The following MACROD2 variants were observed in gnomAD, a reference collection of about 807,000 sequenced individuals.
MACROD2 encodes the protein ADP-ribose glycohydrolase MACROD2.
In MACROD2, 36 loss-of-function variants were observed where a neutral mutation model predicts 70.4. The observed-to-expected ratio is 0.51, with a 90% CI of 0.39 to 0.68. MACROD2 has a LOEUF of 0.68. Among genes scored for constraint, MACROD2 ranks in the 30% least tolerant of loss-of-function variants. MACROD2 has a pLI of 0.00. For synonymous variants in MACROD2, 172 were observed against 178.8 expected, an observed-to-expected ratio of 0.96 and a Z score of 0.30; for missense variants, 496 against 538.4, an observed-to-expected ratio of 0.92 and a Z score of 0.78.
intron 15 of MACROD2, among the ~76,000 whole-genome samples, chr20:15,996,586 A>T (rs1390704155): frequency 1.3e-5 from 2 of 152,048 alleles, no homozygotes; most frequent in Non-Finnish European, 2.9e-5. Context: ...TATAATTCTT[A>T]TATGTTTAGG....
At chr20:14,059,840 TGAG>T (rs776852742) in intron 2 of MACROD2, among the ~76,000 whole-genome samples, 1 of 152,142 alleles carries the variant, frequency 6.6e-6, no homozygotes, top group Non-Finnish European at 1.5e-5. Flanking sequence ...AATGCTAGAA[TGAG>T]GAGAAGGGAC....
chr20:15,925,995 C>T (rs192399829), intron 10 of MACROD2, among the ~76,000 whole-genome samples: 1 of 152,176 alleles, frequency 6.6e-6, no homozygotes, highest in Non-Finnish European at 1.5e-5. Flanking sequence ...CACTGCCCAG[C>T]ATTTCCCCAA....
intron 10 of MACROD2, among the ~76,000 whole-genome samples, chr20:15,891,645 C>T (rs770850575): frequency 2.0e-5 from 3 of 152,092 alleles, no homozygotes; most frequent in Admixed American, 6.5e-5. Flanking sequence ...ATAGAACTTA[C>T]GATTGCTTCA....
intron 4 of MACROD2, among the ~76,000 whole-genome samples, chr20:14,536,304 T>G (rs2123220263): frequency 6.6e-6 from 1 of 152,260 alleles, no homozygotes; most frequent in Non-Finnish European, 1.5e-5. Context: ...ACTTTGAACT[T>G]TTATGTCTCA....
At chr20:15,440,085 A>G (rs911296775) in intron 7 of MACROD2, among the ~76,000 whole-genome samples, 2 of 152,186 alleles carry the variant, frequency 1.3e-5, no homozygotes, top group African/African-American at 4.8e-5. Flanking sequence ...TTTTACTGAG[A>G]AGTGAATGGC....
intron 5 of MACROD2, among the ~76,000 whole-genome samples, chr20:14,789,594 G>A (rs2072424389): frequency 6.8e-6 from 1 of 147,824 alleles, no homozygotes; most frequent in Non-Finnish European, 1.5e-5. Context: ...TCCTGCCTCA[G>A]CTTCCTGAGT....
chr20:14,553,278 A>G (rs191483920), intron 4 of MACROD2, among the ~76,000 whole-genome samples: 1 of 151,748 alleles, frequency 6.6e-6, no homozygotes, highest in East Asian at 1.9e-4. Context: ...ACTGTCTTCC[A>G]CCTCCACATC....
At chr20:15,249,907 G>T (rs999939976) in intron 6 of MACROD2, among the ~76,000 whole-genome samples, 10 of 152,296 alleles carry the variant, frequency 6.6e-5, no homozygotes, top group African/African-American at 2.4e-4. Context: ...TGAAATGTAG[G>T]TATTATTTTT....
chr20:14,545,592 T>C (rs1213318670), intron 4 of MACROD2, among the ~76,000 whole-genome samples: 5 of 152,232 alleles, frequency 3.3e-5, no homozygotes, highest in Non-Finnish European at 5.9e-5. Context: ...TGAATCATAG[T>C]AATTAAGTAA....
At chr20:15,300,219 A>T (rs1037742801) in intron 6 of MACROD2, among the ~76,000 whole-genome samples, 2 of 152,166 alleles carry the variant, frequency 1.3e-5, no homozygotes, top group African/African-American at 4.8e-5. Context: ...AGTTTTAGTT[A>T]CCTAAAGCCT....
chr20:15,714,966 T>C (rs1397287285), intron 8 of MACROD2, among the ~76,000 whole-genome samples: 1 of 152,162 alleles, frequency 6.6e-6, no homozygotes, highest in Non-Finnish European at 1.5e-5. Context: ...AGAAGTCTTC[T>C]GGCACTTAGA....
chr20:14,070,846 A>G (rs2053827916), intron 2 of MACROD2, among the ~76,000 whole-genome samples: 1 of 152,258 alleles, frequency 6.6e-6, no homozygotes, highest in Non-Finnish European at 1.5e-5. Context: ...TTTTGTGTGA[A>G]TATCTCCCAG....
chr20:14,577,691 A>T (rs1980688458), intron 4 of MACROD2, among the ~76,000 whole-genome samples: 1 of 152,072 alleles, frequency 6.6e-6, no homozygotes, highest in African/African-American at 2.4e-5. Flanking sequence ...CTGAGGGAGG[A>T]CGATCACTTG....
At chr20:15,806,334 T>A (rs2041424) in intron 8 of MACROD2, among the ~76,000 whole-genome samples, 7,650 of 152,190 alleles carry the variant, frequency 0.05, 491 homozygotes, top group African/African-American at 0.14. Flanking sequence ...ATGAAGATAC[T>A]GAAATGTTCT....
At chr20:15,231,186 C>A (rs2076956173) in intron 6 of MACROD2, among the ~76,000 whole-genome samples, 1 of 151,922 alleles carries the variant, frequency 6.6e-6, no homozygotes, top group Non-Finnish European at 1.5e-5. Context: ...CCTTTTTAAT[C>A]TTTGGATAAT....
intron 3 of MACROD2, among the ~76,000 whole-genome samples, chr20:14,189,477 CTTTA>C (rs1319668814): frequency 2.6e-5 from 4 of 151,870 alleles, no homozygotes; most frequent in East Asian, 1.9e-4. Context: ...TTTTGGTTTC[CTTTA>C]TTTATATTTA....
chr20:14,982,569 G>T (rs1370163814), intron 5 of MACROD2, among the ~76,000 whole-genome samples: 1 of 152,188 alleles, frequency 6.6e-6, no homozygotes, highest in Non-Finnish European at 1.5e-5. Context: ...AGCCACTCCA[G>T]CTGTGGCTGA....
chr20:15,863,730 A>G (rs2064456212), intron 9 of MACROD2, among the ~76,000 whole-genome samples: 1 of 152,190 alleles, frequency 6.6e-6, no homozygotes, highest in Admixed American at 6.5e-5. Context: ...GTGCTGATGC[A>G]TATTCATCCT....
intron 8 of MACROD2, among the ~76,000 whole-genome samples, chr20:15,646,703 G>T (rs1406861219): frequency 6.6e-6 from 1 of 152,186 alleles, no homozygotes; most frequent in Non-Finnish European, 1.5e-5. Flanking sequence ...CATGAGATCT[G>T]ATGGTTTTAG....
Sources: gnomAD v4.1 joint callset for allele counts (sites outside exome capture counted in the v4.1 genomes callset) on GRCh38, gnomAD v4.1.1 for gene constraint, MANE v1.5 for transcripts, NCBI Gene and HGNC (gene_info 2026-07-23, HGNC 2026-07-21) for gene names.